Variants in PROKR2 observed in about 807,000 individuals in gnomAD.
The protein encoded by PROKR2 is prokineticin receptor 2.
Under a neutral mutation model 23.4 loss-of-function variants are expected in PROKR2, and 26 were observed. The ratio of observed to expected loss-of-function variants is 1.11; its 90% confidence interval spans 0.81 to 1.54. The LOEUF is 1.54. Among genes scored for constraint, PROKR2 ranks in the 40% most tolerant of loss-of-function variants. PROKR2 has a pLI of 0.00. For synonymous variants in PROKR2, 212 were observed against 201.2 expected (o/e 1.05, Z -0.45); for missense variants, 453 against 511.5 (o/e 0.89, Z 1.10).
chr20:5,309,772 T>C (rs1979362704), intron 2 of PROKR2, among the ~76,000 whole-genome samples: 1 of 131,490 alleles, frequency 7.6e-6, no homozygotes, highest in African/African-American at 3.1e-5. Context: ...TAGCTCTCTC[T>C]CAATCTGGTT....
In PROKR2 at chr20:5,313,977, G is replaced by A. The variant is rs759360595; in HGVS notation, c.393C>T (p.Val131=). The A allele has an allele frequency of 1.2e-6, 2 of 1,614,230 alleles. No homozygotes were observed. Among genetic ancestry groups the A allele is most frequent in the South Asian group, 2.2e-5 (2 of 91,084 alleles). The change falls in exon 2 of 3, where the codon GTC becomes GTT. Residue 131 remains valine (V), a synonymous_variant. Coordinates refer to ENST00000678254, the MANE Select transcript of PROKR2 (RefSeq NM_144773.4). ...AGAGGGAGACGGTGCGCAGGTAGTT[G>A]ACGGAGGCACAGAGCACGTGGCCAT... ...WEHGHVLCAS[V]NYLRTVSLYV...
Position 5,316,090 on chromosome 20 carries a change from T to C in PROKR2, c.-9+404A>G, listed in dbSNP as rs1408662456. 8 of 456,446 alleles carry C rather than the reference T, an allele frequency of 1.8e-5. No homozygotes were observed. The highest frequency in any genetic ancestry group is 3.1e-5 in the Non-Finnish European group (7 of 226,940). 28.3% of individuals were successfully genotyped at this position (456,446 alleles called of 1,614,324 possible). On this transcript the variant is annotated intron_variant, in intron 1 of 2. Coordinates refer to ENST00000678254, the MANE Select transcript of PROKR2 (RefSeq NM_144773.4). The surrounding 1 kb of genome is among the most constrained non-coding windows in gnomAD (Gnocchi z 5.0). Reference sequence around the variant, plus strand: ...TAGAAGCAAAGGCTGCGGTGCCTCCTGGCTGGAAGAAAACGGCGGGTGGGT... The same window carrying C: ...TAGAAGCAAAGGCTGCGGTGCCTCCCGGCTGGAAGAAAACGGCGGGTGGGT...
chr20:5,302,168 A>G lies in PROKR2; in HGVS notation c.1027T>C (p.Tyr343His). The change falls in exon 3 of 3, where the codon TAC becomes CAC. Residue 343 changes from tyrosine to histidine, a missense_variant. Coordinates refer to ENST00000678254, the MANE Select transcript of PROKR2 (RefSeq NM_144773.4). ...FVTVKNNTMK[Y>H]FKKMMLLHWR... The stretch of plus-strand genomic sequence containing the variant: ...TGCAGCAGCATCATCTTCTTGAAGT[A>G]CTTCATGGTGTTGTTCTTGACCGTC... 6.2e-7 allele frequency: 1 copy of G among 1,614,188 alleles called. No homozygotes were observed. Among genetic ancestry groups the G allele is most frequent in the South Asian group, 1.1e-5 (1 of 91,080 alleles).
At chr20:5,307,280 T>A (rs1010230223) in intron 2 of PROKR2, among the ~76,000 whole-genome samples, 1 of 152,210 alleles carries the variant, frequency 6.6e-6, no homozygotes, top group South Asian at 2.1e-4. Context: ...GTAGCTATGA[T>A]AGCGGTGATC....
chr20:5,304,909 G>A (rs368695411), intron 2 of PROKR2, among the ~76,000 whole-genome samples: 3 of 152,266 alleles, frequency 2.0e-5, no homozygotes, highest in Admixed American at 6.5e-5. Context: ...TGATGGTATC[G>A]GAGGTAATCT....
Position 5,314,019 on chromosome 20 carries a change from C to G in PROKR2, c.351G>C (p.Arg117=). 6.2e-7 allele frequency: 1 copy of G among 1,614,186 alleles called. No individual in the cohort carries two copies. Among genetic ancestry groups the G allele is most frequent in the Non-Finnish European group, 8.5e-7 (1 of 1,180,018 alleles). Residue 117 remains arginine (R), a synonymous_variant, in exon 2 of 3, where the codon CGG becomes CGC. Transcript: ENST00000678254. ...CGTGGCCATGCTCCCAGGAGAGCTG[C>G]CGTACCACGTAGTAGTCCATCTCGA... The part of the protein sequence containing the change: ...CPFEMDYYVV[R]QLSWEHGHVL...
At chr20:5,315,788 G>T (rs893985671) in intron 1 of PROKR2, 4 of 453,952 alleles carry the variant, frequency 8.8e-6, no homozygotes, top group Non-Finnish European at 1.3e-5. Flanking sequence ...TCGCCCCTCC[G>T]TCTCATGCGA....
Position 5,314,030 on chromosome 20 carries a change from AG to A in PROKR2, c.339del (p.Tyr114ThrfsTer48). The A allele has an allele frequency of 3.1e-6, 5 of 1,614,240 alleles. No homozygotes were observed. Among genetic ancestry groups the A allele is most frequent in the Non-Finnish European group, 4.2e-6 (5 of 1,180,026 alleles). On this transcript the variant is annotated frameshift_variant, in exon 2 of 3. Coordinates refer to ENST00000678254, the MANE Select transcript of PROKR2 (RefSeq NM_144773.4). LOFTEE classifies it high-confidence loss of function. ...TCCCAGGAGAGCTGCCGTACCACGT[AG>A]TAGTCCATCTCGAAGGGGCAGCAGA... Reference protein sequence around the residue: ...AIICCPFEMDYYVVRQLSWEH... With the variant: ...AIICCPFEMDXYVVRQLSWEH...
rs777513102 is a variant in PROKR2, at chr20:5,302,387, G to A, written c.808C>T (p.Arg270Cys). 2.5e-5 allele frequency: 41 copies of A among 1,614,210 alleles called. No homozygotes were observed. Among genetic ancestry groups the A allele is most frequent in the Middle Eastern group, 3.3e-4 (2 of 6,060 alleles). The stretch of plus-strand genomic sequence containing the variant: ...ATGAGCACCAGGACCGTCTTCCTGC[G>A]GCAGCGCAGCCGCTTGCGAATCTGC... Reference protein sequence around the residue: ...TEQIRKRLRCRRKTVLVLMCI... With the variant: ...TEQIRKRLRCCRKTVLVLMCI... Residue 270 changes from arginine (R) to cysteine (C), a missense_variant, in exon 3 of 3, where the codon CGC (arginine) becomes TGC (cysteine). By Grantham distance (180) the Arg-to-Cys change is radical. Coordinates refer to ENST00000678254, the MANE Select transcript of PROKR2 (RefSeq NM_144773.4).
chr20:5,309,257 G>T (rs1979343339), intron 2 of PROKR2, among the ~76,000 whole-genome samples: 1 of 152,198 alleles, frequency 6.6e-6, no homozygotes, highest in Admixed American at 6.5e-5. Context: ...AAACATAGTG[G>T]CTTGAAACAA....
rs780817687 is a variant in PROKR2, at chr20:5,300,622, C to T, written c.*1418G>A. ...TATGAAGAGCGGATATTTTCATCAT[C>T]GCCATTTCATTAAAGCAAAACTGAG... On this transcript the variant is annotated 3_prime_UTR_variant, in exon 3 of 3. Coordinates refer to ENST00000678254, the MANE Select transcript of PROKR2 (RefSeq NM_144773.4). Among the ~76,000 whole-genome samples, 23 of 152,316 alleles carry T rather than the reference C, an allele frequency of 1.5e-4. No individual in the cohort carries two copies. The highest frequency in any genetic ancestry group is 4.6e-4 in the African/African-American group (19 of 41,572).
chr20:5,307,437 A>T (rs1036598455), intron 2 of PROKR2, among the ~76,000 whole-genome samples: 6 of 152,230 alleles, frequency 3.9e-5, no homozygotes, highest in African/African-American at 1.4e-4. Flanking sequence ...CTCAGTATTT[A>T]CCGTAATAAA....
chr20:5,315,063 T>A (rs2122224544), intron 1 of PROKR2, among the ~76,000 whole-genome samples: 1 of 152,238 alleles, frequency 6.6e-6, no homozygotes, highest in South Asian at 2.1e-4. Flanking sequence ...CTCTGAGTCC[T>A]AATCTTCCTG....
At chr20:5,305,166 A>G (rs1388873825) in intron 2 of PROKR2, among the ~76,000 whole-genome samples, 1 of 152,268 alleles carries the variant, frequency 6.6e-6, no homozygotes, top group Non-Finnish European at 1.5e-5. Flanking sequence ...GAAAGATGGG[A>G]ACCTGATTTC....
intron 1 of PROKR2, chr20:5,315,735 A>G: frequency 2.5e-6 from 1 of 399,912 alleles, no homozygotes; most frequent in Non-Finnish European, 5.1e-6. Flanking sequence ...GGCGAGATGC[A>G]AATCCCAGTG....
intron 2 of PROKR2, among the ~76,000 whole-genome samples, chr20:5,311,916 A>G (rs61404047): frequency 0.07 from 10,642 of 152,180 alleles, 940 homozygotes; most frequent in African/African-American, 0.2. Flanking sequence ...TGATCATGTG[A>G]GTTAATACTT....
At position 5,299,811 on chromosome 20, in the gene PROKR2, TG is replaced by T. The variant is rs200392727; in HGVS notation, c.*2228del. Among the ~76,000 whole-genome samples the T allele has an allele frequency of 0.11, 9,206 of 80,658 alleles. 701 individuals are homozygous for T. The highest frequency in any genetic ancestry group is 0.24 in the African/African-American group (7,134 of 29,846). The allele number at this position is 80,658 out of a possible 152,430, so 52.9% of individuals were successfully genotyped here. A position where few individuals can be genotyped will look rare whatever the true frequency, so the allele number is the denominator to read the frequency against. On this transcript the variant is annotated 3_prime_UTR_variant, in exon 3 of 3. Transcript: ENST00000678254. Reference sequence around the variant, plus strand: ...GCTAATTTCTGTATTTTTCTAGAGATGGGGTTTTTGGCCATGTTGGCCAGGC... The same window carrying T: ...GCTAATTTCTGTATTTTTCTAGAGATGGGTTTTTGGCCATGTTGGCCAGGC...
Position 5,302,574 on chromosome 20 carries a change from G to A in PROKR2, c.621C>T (p.Phe207=). 1 of 1,614,208 alleles carries A rather than the reference G, an allele frequency of 6.2e-7. No homozygotes were observed. The highest frequency in any genetic ancestry group is 1.1e-5 in the South Asian group (1 of 91,082). Residue 207 remains phenylalanine (F), a synonymous_variant, in exon 3 of 3, where the codon TTC becomes TTT. Coordinates refer to ENST00000678254, the MANE Select transcript of PROKR2 (RefSeq NM_144773.4). Reference sequence around the variant, plus strand: ...GATCCACAGGCCAGATCTGGCCACAGAAGATCTTCTCCTGGCTCTTGACAA... The same window carrying A: ...GATCCACAGGCCAGATCTGGCCACAAAAGATCTTCTCCTGGCTCTTGACAA... The part of the protein sequence containing the change: ...LFIVKSQEKI[F]CGQIWPVDQQ...
intron 2 of PROKR2, among the ~76,000 whole-genome samples, chr20:5,303,150 C>T (rs970750221): frequency 2.6e-5 from 4 of 152,178 alleles, no homozygotes; most frequent in African/African-American, 7.2e-5. Context: ...TGTTATTATT[C>T]TTAAGCATCC....
Sources: allele counts gnomAD v4.1 joint callset (sites outside exome capture counted in the v4.1 genomes callset), GRCh38; gene constraint gnomAD v4.1.1; non-coding constraint Gnocchi (gnomAD v3.1); transcripts MANE v1.5; gene names NCBI Gene and HGNC (gene_info 2026-07-23, HGNC 2026-07-21).